NIBAN1: variants seen among roughly 807,000 people sequenced by gnomAD.
The protein encoded by NIBAN1 is niban apoptosis regulator 1, also known as protein Niban 1.
NIBAN1 carries 81 observed loss-of-function variants against 75.1 expected under a neutral mutation model. The observed-to-expected ratio is 1.08, with a 90% CI of 0.90 to 1.30. The LOEUF (loss-of-function observed/expected upper bound fraction) is 1.30. Ranked by LOEUF, NIBAN1 falls within the 50% of genes most tolerant of loss-of-function variation. The pLI is 0.00. For synonymous variants in NIBAN1, 436 were observed against 424.8 expected, an observed-to-expected ratio of 1.03 and a Z score of -0.32; for missense variants, 1,133 against 1,128.1, an observed-to-expected ratio of 1.00 and a Z score of -0.06.
Position 184,795,593 on chromosome 1 carries a change from A to T in NIBAN1, c.2171T>A (p.Val724Glu). The change falls in exon 14 of 14, where the codon GTG (valine) becomes GAG (glutamate). Residue 724 changes from valine to glutamate, a missense_variant. Transcript: ENST00000367511. Reference protein sequence around the residue: ...KLLTASVEVPVDSAPVMEEDT... With the variant: ...KLLTASVEVPEDSAPVMEEDT... ...TTCTTCCATCACTGGAGCAGAGTCC[A>T]CTGGTACTTCCACGGACGCTGTCAG... 2 of 1,614,176 alleles carry T rather than the reference A, an allele frequency of 1.2e-6. No homozygotes were observed. The highest frequency in any genetic ancestry group is 3.3e-5 in the Admixed American group (2 of 60,020).
intron 5 of NIBAN1, among the ~76,000 whole-genome samples, chr1:184,880,186 C>T (rs2101963724): frequency 6.6e-6 from 1 of 152,360 alleles, no homozygotes; most frequent in East Asian, 1.9e-4. Flanking sequence ...CATCCAGTTC[C>T]TCTGTTCCCC....
At chr1:184,872,828 C>T (rs1275500112) in intron 5 of NIBAN1, among the ~76,000 whole-genome samples, 3 of 152,000 alleles carry the variant, frequency 2.0e-5, no homozygotes, top group Non-Finnish European at 4.4e-5. Context: ...TGAGAATTTT[C>T]CAAAGTTGCT....
chr1:184,795,514 T>C lies in NIBAN1; in HGVS notation c.2250A>G (p.Lys750=). The change falls in exon 14 of 14, where the codon AAA becomes AAG. Residue 750 remains lysine (K), a synonymous_variant. Transcript: ENST00000367511. ...VPQENEEEEE[K]EPSQAAAIHP... ...GGATGGCAGCTGCCTGACTGGGCTC[T>C]TTTTCCTCTTCTTCTTCATTTTCTT... The C allele has an allele frequency of 6.2e-7, 1 of 1,613,838 alleles. No homozygotes were observed. The highest frequency in any genetic ancestry group is 2.2e-5 in the East Asian group (1 of 44,880).
At chr1:184,898,341 G>A (rs1041061350) in intron 2 of NIBAN1, among the ~76,000 whole-genome samples, 6 of 152,200 alleles carry the variant, frequency 3.9e-5, no homozygotes, top group Admixed American at 6.5e-5. Flanking sequence ...TAGGCTGGGC[G>A]TGGTGGCTCA....
At chr1:184,932,779 A>T (rs1265802584) in intron 1 of NIBAN1, among the ~76,000 whole-genome samples, 1 of 152,248 alleles carries the variant, frequency 6.6e-6, no homozygotes, top group Admixed American at 6.5e-5. Context: ...TTTAACAAAG[A>T]CAAGATTTAG....
chr1:184,955,851 G>T (rs374364893), intron 1 of NIBAN1, among the ~76,000 whole-genome samples: 8 of 152,210 alleles, frequency 5.3e-5, no homozygotes, highest in East Asian at 1.9e-4. Flanking sequence ...AGATGAGAAG[G>T]TTGGGCAGAA....
intron 12 of NIBAN1, among the ~76,000 whole-genome samples, chr1:184,801,347 G>C (rs1464088867): frequency 6.6e-6 from 1 of 152,198 alleles, no homozygotes; most frequent in Non-Finnish European, 1.5e-5. Flanking sequence ...AGAGGGTCTA[G>C]AGGCAGGACT....
At chr1:184,888,591 C>T (rs1040571717) in intron 4 of NIBAN1, among the ~76,000 whole-genome samples, 9 of 152,218 alleles carry the variant, frequency 5.9e-5, no homozygotes, top group African/African-American at 2.2e-4. Flanking sequence ...AAGGTCACAA[C>T]ACACAATTTT....
At chr1:184,923,141 G>A (rs895217603) in intron 1 of NIBAN1, among the ~76,000 whole-genome samples, 45 of 152,212 alleles carry the variant, frequency 3.0e-4, no homozygotes, top group African/African-American at 1.0e-3. Context: ...CCTTTGCTCC[G>A]TCCAATGTCC....
intron 10 of NIBAN1, 68 bp from the exon 11 acceptor site, chr1:184,806,124 C>A: frequency 1.6e-6 from 2 of 1,262,574 alleles, no homozygotes; most frequent in Non-Finnish European, 2.3e-6. Flanking sequence ...ACAGGCCTGG[C>A]TAAGTGGGAC....
intron 1 of NIBAN1, among the ~76,000 whole-genome samples, chr1:184,963,127 A>G (rs1571609348): frequency 6.6e-6 from 1 of 152,240 alleles, no homozygotes; most frequent in East Asian, 1.9e-4. Flanking sequence ...TTTTAAAGAC[A>G]TTTCACTGTG....
chr1:184,912,972 G>C (rs1329951621), intron 1 of NIBAN1, among the ~76,000 whole-genome samples: 1 of 152,018 alleles, frequency 6.6e-6, no homozygotes, highest in Admixed American at 6.6e-5. Context: ...GTACAATCCA[G>C]CAATCTGTGT....
intron 5 of NIBAN1, among the ~76,000 whole-genome samples, chr1:184,844,536 A>C (rs1389192489): frequency 6.6e-6 from 1 of 152,224 alleles, no homozygotes; most frequent in Non-Finnish European, 1.5e-5. Context: ...AGAAAATGGA[A>C]AAAACTGAAA....
At chr1:184,927,479 C>T (rs1035117131) in intron 1 of NIBAN1, among the ~76,000 whole-genome samples, 5 of 152,200 alleles carry the variant, frequency 3.3e-5, no homozygotes, top group African/African-American at 9.6e-5. Flanking sequence ...GTCTTGTTCT[C>T]GTCCCCTGCT....
Position 184,894,069 on chromosome 1 carries a change from T to C in NIBAN1, c.318+6A>G, listed in dbSNP as rs375006443. 2.5e-6 allele frequency: 4 copies of C among 1,596,180 alleles called. No individual in the cohort carries two copies. Among genetic ancestry groups the C allele is most frequent in the African/African-American group, 2.7e-5 (2 of 73,950 alleles). On this transcript the variant is annotated splice_donor_region_variant and intron_variant, in intron 3 of 13. Coordinates refer to ENST00000367511, the MANE Select transcript of NIBAN1 (RefSeq NM_052966.4). The stretch of plus-strand genomic sequence containing the variant: ...AAGAATCAGTAGTAACAAAGAAGTG[T>C]CTTACCTCTTTATTCTCATAGCTCT...
At chr1:184,935,226 G>A (rs760196378) in intron 1 of NIBAN1, among the ~76,000 whole-genome samples, 1 of 151,992 alleles carries the variant, frequency 6.6e-6, no homozygotes, top group South Asian at 2.1e-4. Context: ...TAAAAAATAA[G>A]ATCCGAGGCT....
chr1:184,916,807 G>T (rs933054204), intron 1 of NIBAN1, among the ~76,000 whole-genome samples: 1 of 151,442 alleles, frequency 6.6e-6, no homozygotes, highest in South Asian at 2.1e-4. Flanking sequence ...TTCTTTTCTC[G>T]TTTAAACCTG....
At chr1:184,899,866 G>A (rs1656902832) in intron 1 of NIBAN1, among the ~76,000 whole-genome samples, 1 of 145,100 alleles carries the variant, frequency 6.9e-6, no homozygotes. Context: ...GCCCAGGCTG[G>A]AGTGCAATGG....
chr1:184,879,856 T>A (rs1387752145), intron 5 of NIBAN1, among the ~76,000 whole-genome samples: 1 of 152,216 alleles, frequency 6.6e-6, no homozygotes, highest in Non-Finnish European at 1.5e-5. Flanking sequence ...CAATGTTGGA[T>A]GTTACCATTG....
Sources: allele counts gnomAD v4.1 joint callset (sites outside exome capture counted in the v4.1 genomes callset), GRCh38; gene constraint gnomAD v4.1.1; transcripts MANE v1.5; gene names NCBI Gene and HGNC (gene_info 2026-07-23, HGNC 2026-07-21).